The following VDAC1 variants were observed in gnomAD, a reference collection of about 807,000 sequenced individuals.
The protein encoded by VDAC1 is voltage dependent anion channel 1, also known as non-selective voltage-gated ion channel VDAC1.
In VDAC1, 10 loss-of-function variants were observed where a neutral mutation model predicts 34.7. The observed-to-expected ratio is 0.29, with a 90% CI of 0.18 to 0.49. The LOEUF (loss-of-function observed/expected upper bound fraction) is 0.49. Among genes scored for constraint, VDAC1 ranks in the 20% least tolerant of loss-of-function variants. VDAC1 has a pLI of 0.99. For synonymous variants in VDAC1, 130 were observed against 136.0 expected (o/e 0.96, Z 0.30); for missense variants, 230 against 347.9 (o/e 0.66, Z 2.69).
the VDAC1 span, among the ~76,000 whole-genome samples, chr5:134,092,917 G>T: frequency 6.6e-6 from 1 of 152,208 alleles, no homozygotes; most frequent in East Asian, 1.9e-4. Context: ...CAGCGGAGCT[G>T]CTAGAATTTC....
Position 133,979,664 on chromosome 5 carries a change from G to A in VDAC1, c.551+1065C>T, listed in dbSNP as rs544960394. 3.6e-4 allele frequency among the ~76,000 whole-genome samples: 55 copies of A among 152,080 alleles called. No individual in the cohort carries two copies. In the South Asian group the frequency reaches 9.7e-3, roughly 27 times the overall value. On this transcript the variant is annotated intron_variant, in intron 6 of 8. Transcript: ENST00000265333. ...AGGCTGGTCTTGAACTTCTGACCTC[G>A]TGATCCACCCGCCTCGGCCTCCCAA...
chr5:134,049,546 A>C, the VDAC1 span, among the ~76,000 whole-genome samples: 2 of 152,158 alleles, frequency 1.3e-5, no homozygotes, highest in African/African-American at 4.8e-5. Flanking sequence ...GTGAATTACT[A>C]GTTCAATTGG....
At chr5:134,039,566 T>C in the VDAC1 span, among the ~76,000 whole-genome samples, 1 of 152,108 alleles carries the variant, frequency 6.6e-6, no homozygotes, top group South Asian at 2.1e-4. Flanking sequence ...GCTGACCTCG[T>C]GATCCGCCCG....
chr5:134,061,232 T>A, the VDAC1 span, among the ~76,000 whole-genome samples: 4 of 149,748 alleles, frequency 2.7e-5, no homozygotes, highest in African/African-American at 9.8e-5. Context: ...CCATCCTCCA[T>A]CCTGTTCTTC....
At chr5:134,013,929 G>A in the VDAC1 span, among the ~76,000 whole-genome samples, 1 of 151,602 alleles carries the variant, frequency 6.6e-6, no homozygotes, top group South Asian at 2.1e-4. Context: ...GTGACAGAGT[G>A]AGACTCCGTC....
chr5:134,007,928 G>A (rs1753782267), upstream of VDAC1, among the ~76,000 whole-genome samples: 1 of 152,164 alleles, frequency 6.6e-6, no homozygotes. Context: ...ATCTTGGTGG[G>A]TGGAGAAGGA....
intron 5 of VDAC1, among the ~76,000 whole-genome samples, chr5:133,984,207 G>A (rs1039243853): frequency 2.0e-5 from 3 of 151,892 alleles, no homozygotes; most frequent in Non-Finnish European, 4.4e-5. Flanking sequence ...CTATAGGTGC[G>A]CACCACCAGG....
the VDAC1 span, among the ~76,000 whole-genome samples, chr5:134,062,753 A>T: frequency 6.6e-6 from 1 of 151,550 alleles, no homozygotes; most frequent in Non-Finnish European, 1.5e-5. Context: ...CAGCCTCCTG[A>T]GTAGCTGGGA....
At chr5:134,092,569 T>C in the VDAC1 span, among the ~76,000 whole-genome samples, 2 of 150,952 alleles carry the variant, frequency 1.3e-5, no homozygotes, top group Admixed American at 1.3e-4. Flanking sequence ...CCAGCTACTC[T>C]GGAGGCTGAG....
intron 3 of VDAC1, among the ~76,000 whole-genome samples, chr5:133,991,538 G>C (rs1753105106): frequency 6.6e-6 from 1 of 152,140 alleles, no homozygotes; most frequent in South Asian, 2.1e-4. Flanking sequence ...AATTTCAAAG[G>C]GACTACTAAG....
the VDAC1 span, among the ~76,000 whole-genome samples, chr5:134,102,920 G>T: frequency 1.3e-5 from 2 of 152,022 alleles, no homozygotes; most frequent in Non-Finnish European, 2.9e-5. Context: ...AGTTGTTAGA[G>T]TCTCTTTCTT....
chr5:134,035,537 C>A, the VDAC1 span, among the ~76,000 whole-genome samples: 1 of 152,168 alleles, frequency 6.6e-6, no homozygotes, highest in Non-Finnish European at 1.5e-5. Flanking sequence ...CTTAAGCCAA[C>A]ACACCAGCGA....
At chr5:134,006,165 G>GC (rs1461461449), upstream of VDAC1, among the ~76,000 whole-genome samples, 2 of 152,112 alleles carry the variant, frequency 1.3e-5, no homozygotes, top group Admixed American at 6.5e-5. Context: ...GTAAGGAAGA[G>GC]CCCCCTTCAA....
At chr5:134,013,487 A>G in the VDAC1 span, among the ~76,000 whole-genome samples, 1 of 152,196 alleles carries the variant, frequency 6.6e-6, no homozygotes, top group African/African-American at 2.4e-5. Flanking sequence ...AATTAAACTT[A>G]AGAGCTTCTG....
chr5:134,015,131 T>C, the VDAC1 span, among the ~76,000 whole-genome samples: 1 of 152,182 alleles, frequency 6.6e-6, no homozygotes, highest in Non-Finnish European at 1.5e-5. Flanking sequence ...ATACTGCATG[T>C]TCTCACTTAT....
the VDAC1 span, among the ~76,000 whole-genome samples, chr5:134,020,843 T>C: frequency 0.6 from 90,704 of 151,564 alleles, 27,516 homozygotes; most frequent in Non-Finnish European, 0.63. Flanking sequence ...TGCCCAGCTA[T>C]GGAACAGGCA....
chr5:134,102,127 T>G, the VDAC1 span, among the ~76,000 whole-genome samples: 25 of 151,544 alleles, frequency 1.6e-4, no homozygotes, highest in Middle Eastern at 3.2e-3. Context: ...TTCCCACTCC[T>G]GCAGTTGAGA....
chr5:134,090,728 G>A, the VDAC1 span, among the ~76,000 whole-genome samples: 3 of 152,280 alleles, frequency 2.0e-5, no homozygotes, highest in South Asian at 6.2e-4. Context: ...CTAAACCACC[G>A]AATGCTTCTA....
Position 134,003,142 on chromosome 5 carries a change from C to T in VDAC1, c.-7+1753G>A, listed in dbSNP as rs1303832680. Among the ~76,000 whole-genome samples, 3 of 152,208 alleles carry T rather than the reference C, an allele frequency of 2.0e-5. No homozygotes were observed. The East Asian group carries it at 5.8e-4, about 29-fold the overall frequency. ...TGACACAAGAGTGCATTTACCCCCA[C>T]AGACCCTTCTCAAGCACCTACTGTG... is the stretch of plus-strand genomic sequence containing the variant. On this transcript the variant is annotated intron_variant, in intron 1 of 8. Transcript: ENST00000265333.
Sources: allele counts gnomAD v4.1 joint callset (sites outside exome capture counted in the v4.1 genomes callset), GRCh38; gene constraint gnomAD v4.1.1; transcripts MANE v1.5; gene names NCBI Gene and HGNC (gene_info 2026-07-23, HGNC 2026-07-21).